The following MITF variants were observed in gnomAD, a reference collection of about 807,000 sequenced individuals.
MITF encodes microphthalmia-associated transcription factor.
MITF carries 17 observed loss-of-function variants against 60.5 expected under a neutral mutation model. The observed-to-expected ratio is 0.28, with a 90% CI of 0.19 to 0.42. The LOEUF (loss-of-function observed/expected upper bound fraction) is 0.42, where lower values mean the gene tolerates loss of function less well. MITF is among the 10% of genes least tolerant of loss of function. MITF has a pLI of 1.00. For missense variants in MITF, 622 were observed against 683.5 expected (o/e 0.91, Z 1.00); for synonymous variants, 260 against 248.5 (o/e 1.05, Z -0.43).
chr3:69,829,420 C>T (rs1481841152), intron 1 of MITF, among the ~76,000 whole-genome samples: 4 of 152,144 alleles, frequency 2.6e-5, no homozygotes, highest in African/African-American at 7.2e-5. Flanking sequence ...GCCATATCCC[C>T]TTAACTTTCC....
chr3:69,760,337 G>T (rs967345550), intron 1 of MITF, among the ~76,000 whole-genome samples: 1 of 152,186 alleles, frequency 6.6e-6, no homozygotes, highest in East Asian at 1.9e-4. Flanking sequence ...CCTAGCCTGG[G>T]AGGGTTCTTG....
intron 1 of MITF, among the ~76,000 whole-genome samples, chr3:69,753,588 C>A (rs1704015689): frequency 6.6e-6 from 1 of 152,216 alleles, no homozygotes; most frequent in East Asian, 1.9e-4. Flanking sequence ...GCTGCAGGGG[C>A]TGAACCCTGC....
intron 2 of MITF, among the ~76,000 whole-genome samples, chr3:69,927,912 T>C (rs550220987): frequency 2.0e-5 from 3 of 152,380 alleles, no homozygotes; most frequent in Non-Finnish European, 2.9e-5. Context: ...GCCTATGAGA[T>C]ATTTGTTTTC....
At chr3:69,758,113 ATATG>A (rs2062157474) in intron 1 of MITF, among the ~76,000 whole-genome samples, 1 of 144,522 alleles carries the variant, frequency 6.9e-6, no homozygotes, top group African/African-American at 2.6e-5. Context: ...TAAATATATC[ATATG>A]CACACACACA....
intron 1 of MITF, among the ~76,000 whole-genome samples, chr3:69,751,680 G>T (rs1703945607): frequency 6.7e-6 from 1 of 150,138 alleles, no homozygotes; most frequent in Admixed American, 6.7e-5. Context: ...AGACAGATTT[G>T]AACTTAAATT....
At chr3:69,874,038 G>A (rs2064297205) in intron 1 of MITF, among the ~76,000 whole-genome samples, 1 of 152,182 alleles carries the variant, frequency 6.6e-6, no homozygotes, top group African/African-American at 2.4e-5. Flanking sequence ...TTGCCCAGGA[G>A]GTTAACACTA....
chr3:69,866,784 A>G (rs1186214754), intron 1 of MITF, among the ~76,000 whole-genome samples: 2 of 151,602 alleles, frequency 1.3e-5, no homozygotes, highest in African/African-American at 4.8e-5. Context: ...CATTTGTCCA[A>G]ACTCTCCCAT....
chr3:69,743,976 A>T (rs1194994437), intron 1 of MITF, among the ~76,000 whole-genome samples: 1 of 152,188 alleles, frequency 6.6e-6, no homozygotes, highest in African/African-American at 2.4e-5. Context: ...GTTTAATTCC[A>T]ATTTCTTCTT....
At chr3:69,866,058 G>A (rs1219164270) in intron 1 of MITF, among the ~76,000 whole-genome samples, 2 of 152,182 alleles carry the variant, frequency 1.3e-5, no homozygotes, top group Non-Finnish European at 2.9e-5. Context: ...TCCTTGAGTA[G>A]CCCTCATTGT....
chr3:69,792,856 C>T (rs1000103775), intron 1 of MITF, among the ~76,000 whole-genome samples: 1 of 151,940 alleles, frequency 6.6e-6, no homozygotes, highest in Non-Finnish European at 1.5e-5. Context: ...AAAAAGATAG[C>T]ATTGCATATT....
intron 1 of MITF, among the ~76,000 whole-genome samples, chr3:69,808,702 A>G (rs2063052388): frequency 6.6e-6 from 1 of 152,062 alleles, no homozygotes; most frequent in Non-Finnish European, 1.5e-5. Context: ...GGAAGAGGCT[A>G]GGAAGCTGGG....
At chr3:69,745,192 T>C (rs1355269913) in intron 1 of MITF, among the ~76,000 whole-genome samples, 1 of 152,176 alleles carries the variant, frequency 6.6e-6, no homozygotes, top group East Asian at 1.9e-4. Flanking sequence ...ATGTAATAGT[T>C]TATTATTCTC....
intron 1 of MITF, among the ~76,000 whole-genome samples, chr3:69,743,226 T>C (rs551544388): frequency 2.8e-4 from 43 of 152,318 alleles, no homozygotes; most frequent in Non-Finnish European, 4.9e-4. Context: ...CTGAACATTG[T>C]CAGACATCCC....
intron 8 of MITF, among the ~76,000 whole-genome samples, chr3:69,957,447 C>CTTT (rs2066427548): frequency 2.0e-5 from 3 of 152,102 alleles, no homozygotes; most frequent in Non-Finnish European, 4.4e-5. Flanking sequence ...AAACCATTAC[C>CTTT]TATTGTGAGG....
At chr3:69,850,719 C>A (rs1457367334) in intron 1 of MITF, among the ~76,000 whole-genome samples, 3 of 152,194 alleles carry the variant, frequency 2.0e-5, no homozygotes, top group South Asian at 2.1e-4. Flanking sequence ...TTCCCTGTGG[C>A]CTTGACCCTG....
chr3:69,777,711 C>T (rs923014752), intron 1 of MITF, among the ~76,000 whole-genome samples: 3 of 152,066 alleles, frequency 2.0e-5, no homozygotes, highest in Admixed American at 6.5e-5. Context: ...GTCAAGTTAT[C>T]CCATCAAAAA....
rs1576076650 is a variant in MITF at position 69,967,542 on chromosome 3, A to G, written c.*2294A>G. 29 of 233,452 alleles carry G rather than the reference A, an allele frequency of 1.2e-4. No homozygotes were observed. The East Asian group carries it at 1.7e-3, about 14-fold the overall frequency. 14.5% of individuals were successfully genotyped at this position (233,452 alleles called of 1,614,324 possible). A position where few individuals can be genotyped will look rare whatever the true frequency, so the allele number is the denominator to read the frequency against. Reference sequence around the variant, plus strand: ...GGAACAGGACCATGGTTAAGCAACCATATAGAAAGCTTTGTTGAAAGAAAG... The same window carrying G: ...GGAACAGGACCATGGTTAAGCAACCGTATAGAAAGCTTTGTTGAAAGAAAG... On this transcript the variant is annotated 3_prime_UTR_variant, in exon 10 of 10. Coordinates refer to ENST00000352241, the MANE Select transcript of MITF (RefSeq NM_001354604.2).
At chr3:69,857,538 A>C (rs1223634041) in intron 1 of MITF, among the ~76,000 whole-genome samples, 2 of 150,710 alleles carry the variant, frequency 1.3e-5, no homozygotes. Context: ...TTTTTTTTCA[A>C]ATTTTCATGT....
chr3:69,766,233 C>A (rs1049941064), intron 1 of MITF, among the ~76,000 whole-genome samples: 1 of 147,750 alleles, frequency 6.8e-6, no homozygotes, highest in African/African-American at 2.5e-5. Flanking sequence ...TCTTTTCTTT[C>A]TTTTTTTTTT....
Sources: gnomAD v4.1 joint callset for allele counts (sites outside exome capture counted in the v4.1 genomes callset) on GRCh38, gnomAD v4.1.1 for gene constraint, MANE v1.5 for transcripts, NCBI Gene and HGNC (gene_info 2026-07-23, HGNC 2026-07-21) for gene names.